The following ELFN2 variants were observed in gnomAD, a reference collection of about 807,000 sequenced individuals.
ELFN2 encodes the protein protein phosphatase 1 regulatory subunit 29.
Under a neutral mutation model 45.5 loss-of-function variants are expected in ELFN2, and 17 were observed. The ratio of observed to expected loss-of-function variants is 0.37; its 90% CI spans 0.26 to 0.56. The LOEUF is 0.56. Ranked by LOEUF, ELFN2 falls within the 20% of genes least tolerant of loss-of-function variation. The pLI is 0.77. For synonymous variants in ELFN2, 550 were observed against 551.5 expected (o/e 1.00, Z 0.04); for missense variants, 922 against 1,183.2 (o/e 0.78, Z 3.24).
At chr22:37,396,724 C>T (rs1014298009) in intron 2 of ELFN2, among the ~76,000 whole-genome samples, 6 of 152,174 alleles carry the variant, frequency 3.9e-5, no homozygotes, top group Non-Finnish European at 5.9e-5. Flanking sequence ...GTGGCACCCT[C>T]GTCTGCCCTC....
At chr22:37,404,845 C>T (rs542956097) in intron 2 of ELFN2, among the ~76,000 whole-genome samples, 1 of 152,304 alleles carries the variant, frequency 6.6e-6, no homozygotes, top group East Asian at 1.9e-4. Flanking sequence ...CAAGTCACTT[C>T]ACCTCTCTGA....
At chr22:37,387,255 C>G (rs1050822145) in intron 2 of ELFN2, among the ~76,000 whole-genome samples, 4 of 152,182 alleles carry the variant, frequency 2.6e-5, no homozygotes, top group Non-Finnish European at 4.4e-5. Context: ...TCCCCGGCCT[C>G]GGTTTCTCTC....
intron 1 of ELFN2, among the ~76,000 whole-genome samples, chr22:37,358,003 C>T (rs1219867601): frequency 2.6e-5 from 4 of 152,182 alleles, no homozygotes; most frequent in Non-Finnish European, 4.4e-5. Flanking sequence ...TCACTCATCC[C>T]TTGCGTGGCA....
chr22:37,368,759 CCA>C lies in ELFN2; in HGVS notation c.*4311_*4312del, dbSNP rs1488803477. ...CTCCCCGACGGCTTGCCCCGCCCATCCACACTCATGGAAAGGGGGCTCTGCTG... is the reference window on the plus strand; with the variant it reads ...CTCCCCGACGGCTTGCCCCGCCCATCCACTCATGGAAAGGGGGCTCTGCTG... On this transcript the variant is annotated 3_prime_UTR_variant, in exon 3 of 3. Transcript: ENST00000402918. The C allele has an allele frequency of 1.3e-5, 2 of 152,540 alleles. No individual in the cohort carries two copies. Among genetic ancestry groups the C allele is most frequent in the East Asian group, 3.9e-4 (2 of 5,176 alleles). 9.4% of individuals were successfully genotyped at this position (152,540 alleles called of 1,614,324 possible).
chr22:37,366,569 T>A (rs1227130735), downstream of ELFN2, among the ~76,000 whole-genome samples: 5 of 152,216 alleles, frequency 3.3e-5, no homozygotes, highest in Non-Finnish European at 1.5e-5. Flanking sequence ...GGCAGGCAGC[T>A]GAGCAGGGGC....
intron 2 of ELFN2, among the ~76,000 whole-genome samples, chr22:37,341,782 G>T (rs1426538836): frequency 2.0e-5 from 3 of 152,196 alleles, no homozygotes; most frequent in Middle Eastern, 3.2e-3. Flanking sequence ...TCAAACCCCT[G>T]ACAATTCTGA....
At chr22:37,395,976 T>C (rs1932204684) in intron 2 of ELFN2, among the ~76,000 whole-genome samples, 1 of 151,960 alleles carries the variant, frequency 6.6e-6, no homozygotes, top group South Asian at 2.1e-4. Flanking sequence ...CCGAAGCTGG[T>C]GGTTAAGTGG....
chr22:37,344,939 G>A (rs1843702470), intron 1 of ELFN2, among the ~76,000 whole-genome samples: 1 of 152,108 alleles, frequency 6.6e-6, no homozygotes, highest in Non-Finnish European at 1.5e-5. Context: ...CTCTGCCAGG[G>A]GGCCCTCCCC....
In ELFN2 at chr22:37,375,239, A is replaced by G; in HGVS notation, c.296T>C (p.Phe99Ser). 6.2e-7 allele frequency: 1 copy of G among 1,614,016 alleles called. No individual in the cohort carries two copies. Among genetic ancestry groups the G allele is most frequent in the Non-Finnish European group, 8.5e-7 (1 of 1,179,992 alleles). ...GACCTGCAGGCTCGACTGGCCCAGGAAGGCACCGTCCTCGATGTAGGAGAT... is the reference window on the plus strand; with the variant it reads ...GACCTGCAGGCTCGACTGGCCCAGGGAGGCACCGTCCTCGATGTAGGAGAT... ...NEISYIEDGAFLGQSSLQVLQ... is the reference protein window; with the variant it reads ...NEISYIEDGASLGQSSLQVLQ... The change falls in exon 3 of 3, where the codon TTC becomes TCC. Residue 99 changes from phenylalanine (F) to serine (S), a missense_variant. Transcript: ENST00000402918.
At chr22:37,386,620 C>T (rs549866028) in intron 2 of ELFN2, among the ~76,000 whole-genome samples, 2 of 152,296 alleles carry the variant, frequency 1.3e-5, no homozygotes, top group East Asian at 3.9e-4. Context: ...TCTGAGGCTA[C>T]GGGGGGCCTG....
intron 2 of ELFN2, among the ~76,000 whole-genome samples, chr22:37,401,961 G>A (rs537759501): frequency 5.8e-4 from 88 of 152,278 alleles, no homozygotes; most frequent in Non-Finnish European, 3.5e-4. Context: ...ACCTGCCCCA[G>A]GGAGGCTGAA....
At chr22:37,340,954 T>C (rs1022510686) in exon 3 of ELFN2, 1 of 152,156 alleles carries the variant, frequency 6.6e-6, no homozygotes, top group African/African-American at 2.4e-5. Flanking sequence ...AAACCACATC[T>C]GTCTGAAGCC....
chr22:37,424,946 C>T (rs974550467), intron 1 of ELFN2, among the ~76,000 whole-genome samples: 4 of 151,370 alleles, frequency 2.6e-5, no homozygotes, highest in Admixed American at 6.6e-5. Flanking sequence ...CATCAGCACC[C>T]GCCCCCCACA....
downstream of ELFN2, among the ~76,000 whole-genome samples, chr22:37,367,117 G>A (rs1437890654): frequency 6.6e-6 from 1 of 152,234 alleles, no homozygotes; most frequent in African/African-American, 2.4e-5. Flanking sequence ...ACAGGCTTTC[G>A]TGGAGGAGAG....
intron 2 of ELFN2, among the ~76,000 whole-genome samples, chr22:37,399,867 G>A (rs1199814827): frequency 6.6e-6 from 1 of 152,172 alleles, no homozygotes; most frequent in Non-Finnish European, 1.5e-5. Flanking sequence ...TGCTCCTCCT[G>A]GTAAATGAAA....
intron 2 of ELFN2, among the ~76,000 whole-genome samples, chr22:37,401,960 A>G (rs897172650): frequency 2.0e-5 from 3 of 152,230 alleles, no homozygotes; most frequent in Non-Finnish European, 4.4e-5. Flanking sequence ...AACCTGCCCC[A>G]GGGAGGCTGA....
chr22:37,393,255 T>C (rs531287638), intron 2 of ELFN2, among the ~76,000 whole-genome samples: 10 of 152,348 alleles, frequency 6.6e-5, no homozygotes, highest in Admixed American at 2.0e-4. Context: ...GCGTGTCTTT[T>C]CTTGGACTCA....
intron 1 of ELFN2, among the ~76,000 whole-genome samples, chr22:37,426,611 GCACA>G (rs137928365): frequency 1.7e-5 from 2 of 118,936 alleles, no homozygotes; most frequent in African/African-American, 6.4e-5. Context: ...ACACACGCAC[GCACA>G]CACACACACT....
At chr22:37,383,480 G>T (rs753990271) in intron 2 of ELFN2, among the ~76,000 whole-genome samples, 1 of 152,188 alleles carries the variant, frequency 6.6e-6, no homozygotes, top group Non-Finnish European at 1.5e-5. Context: ...GGTCCCGGGG[G>T]AGCTGGCTCC....
Sources: allele counts gnomAD v4.1 joint callset (sites outside exome capture counted in the v4.1 genomes callset), GRCh38; gene constraint gnomAD v4.1.1; transcripts MANE v1.5; gene names NCBI Gene and HGNC (gene_info 2026-07-23, HGNC 2026-07-21).